The following PCDH11X variants were observed in gnomAD, a reference collection of about 807,000 sequenced individuals.
PCDH11X encodes the protein protocadherin-11 X-linked.
A neutral mutation model predicts 53.3 loss-of-function variants in PCDH11X; 18 were observed. That is an observed-to-expected ratio of 0.34 (90% confidence interval 0.23 to 0.50). The LOEUF is 0.50. PCDH11X is among the 20% of genes least tolerant of loss of function. PCDH11X has a pLI of 0.98. For missense variants in PCDH11X, 570 were observed against 1,032.4 expected (o/e 0.55, Z 6.14); for synonymous variants, 279 against 393.3 (o/e 0.71, Z 3.44).
chrX:92,536,667 T>A (rs1291145473), intron 10 of PCDH11X, among the ~76,000 whole-genome samples: 1 of 95,910 alleles, frequency 1.0e-5, no homozygotes, highest in East Asian at 3.3e-4. Flanking sequence ...TTTTTTTTTT[T>A]TTTTTTTTGA....
At chrX:92,273,427 T>A (rs1046033962) in intron 8 of PCDH11X, among the ~76,000 whole-genome samples, 4 of 111,636 alleles carry the variant, frequency 3.6e-5, no homozygotes, top group African/African-American at 1.3e-4. Context: ...TCACTTCTTT[T>A]GTGATTCTTC....
intron 8 of PCDH11X, chrX:92,288,030 C>T: frequency 1.9e-6 from 1 of 514,729 alleles, no homozygotes; most frequent in South Asian, 2.5e-5. Flanking sequence ...TCCCTAGAAG[C>T]ATAAACCTGT....
chrX:92,045,881 G>A (rs1212572369), intron 6 of PCDH11X, among the ~76,000 whole-genome samples: 1 of 107,962 alleles, frequency 9.3e-6, no homozygotes, highest in Non-Finnish European at 1.9e-5. Context: ...CGAGGTTGCA[G>A]TGAGCCAAGA....
At chrX:92,309,983 G>A (rs1425602351) in intron 8 of PCDH11X, among the ~76,000 whole-genome samples, 1 of 112,235 alleles carries the variant, frequency 8.9e-6, no homozygotes, top group East Asian at 2.8e-4. Context: ...GAAAAGAAAA[G>A]TTTGGTTCAA....
At chrX:92,271,073 C>A (rs1157099128) in intron 8 of PCDH11X, among the ~76,000 whole-genome samples, 1 of 111,877 alleles carries the variant, frequency 8.9e-6, no homozygotes, top group Non-Finnish European at 1.9e-5. Flanking sequence ...CAGAAAAAAA[C>A]ACCATGAAAC....
intron 10 of PCDH11X, among the ~76,000 whole-genome samples, chrX:92,585,816 T>C (rs2148792161): frequency 9.1e-6 from 1 of 109,610 alleles, no homozygotes; most frequent in East Asian, 2.9e-4. Flanking sequence ...AAAGTTTGGC[T>C]TTTCTGTACA....
In PCDH11X at chrX:92,398,016, A is replaced by T. The variant is rs1270973717; in HGVS notation, c.3343+10083A>T. On this transcript the variant is annotated intron_variant, in intron 9 of 10. Transcript: ENST00000682573. ...TGACCCAAATTAAATCCAAATATTG[A>T]AATTTCAATTCAAAGTGCCATAGTA... Among the ~76,000 whole-genome samples, 3 of 110,869 alleles carry T rather than the reference A, an allele frequency of 2.7e-5. No individual in the cohort carries two copies. In the Admixed American group the frequency reaches 2.9e-4, roughly 11 times the overall value.
At chrX:92,293,400 A>T (rs778856812) in intron 8 of PCDH11X, among the ~76,000 whole-genome samples, 1 of 110,239 alleles carries the variant, frequency 9.1e-6, no homozygotes, top group Non-Finnish European at 1.9e-5. Context: ...CAAGGCGGGC[A>T]GATCATGAGG....
intron 8 of PCDH11X, among the ~76,000 whole-genome samples, chrX:92,290,316 G>A (rs2068465449): frequency 9.0e-6 from 1 of 110,889 alleles, no homozygotes; most frequent in African/African-American, 3.3e-5. Context: ...TCACTTTCAC[G>A]GATTCACTCG....
chrX:91,846,694 C>T (rs1175785183), intron 5 of PCDH11X, among the ~76,000 whole-genome samples: 32 of 110,651 alleles, frequency 2.9e-4, no homozygotes, highest in African/African-American at 9.5e-4. Context: ...ATTGTTTAAT[C>T]TGTTGCTGCT....
At chrX:92,129,605 G>A (rs1487614876) in intron 6 of PCDH11X, among the ~76,000 whole-genome samples, 1 of 112,022 alleles carries the variant, frequency 8.9e-6, no homozygotes, top group Non-Finnish European at 1.9e-5. Context: ...TTGAGGAAAG[G>A]TGGAATGTTG....
intron 6 of PCDH11X, among the ~76,000 whole-genome samples, chrX:91,938,744 T>C (rs1351505528): frequency 9.0e-6 from 1 of 110,804 alleles, no homozygotes; most frequent in Non-Finnish European, 1.9e-5. Flanking sequence ...AGAATTATGT[T>C]TCTAAGGCAC....
At chrX:92,470,223 A>G (rs1227508550) in intron 10 of PCDH11X, among the ~76,000 whole-genome samples, 5 of 101,207 alleles carry the variant, frequency 4.9e-5, no homozygotes, top group African/African-American at 1.8e-4. Context: ...TTGATTTTGG[A>G]TATGAAATCA....
At chrX:91,908,350 T>C (rs759865385) in intron 6 of PCDH11X, among the ~76,000 whole-genome samples, 3 of 111,460 alleles carry the variant, frequency 2.7e-5, no homozygotes, top group Non-Finnish European at 3.8e-5. Context: ...AACAACGCCA[T>C]AAAAAAAGTG....
intron 8 of PCDH11X, among the ~76,000 whole-genome samples, chrX:92,382,420 G>A (rs888576102): frequency 1.8e-5 from 2 of 111,200 alleles, no homozygotes; most frequent in Non-Finnish European, 3.8e-5. Flanking sequence ...TAGAATCACA[G>A]GGTCACCTAT....
chrX:92,592,474 G>T (rs928317963), intron 10 of PCDH11X, among the ~76,000 whole-genome samples: 2 of 110,064 alleles, frequency 1.8e-5, no homozygotes, highest in African/African-American at 6.6e-5. Flanking sequence ...GCTCACGCCT[G>T]TAATCCCAGC....
At chrX:91,803,153 A>C (rs1396231398) in intron 1 of PCDH11X, among the ~76,000 whole-genome samples, 1 of 111,846 alleles carries the variant, frequency 8.9e-6, no homozygotes, top group Non-Finnish European at 1.9e-5. Context: ...TTGAATGAAT[A>C]GGCATTTTTC....
At chrX:92,295,500 T>A (rs778476002) in intron 8 of PCDH11X, among the ~76,000 whole-genome samples, 1 of 110,306 alleles carries the variant, frequency 9.1e-6, no homozygotes, top group African/African-American at 3.3e-5. Context: ...TTATCATTTT[T>A]GTTTTGCATA....
intron 5 of PCDH11X, among the ~76,000 whole-genome samples, chrX:91,859,407 T>C (rs773743442): frequency 2.7e-5 from 3 of 110,864 alleles, no homozygotes; most frequent in Non-Finnish European, 5.7e-5. Flanking sequence ...TCACATTCTG[T>C]AGGTTGTTTG....
Sources: gnomAD v4.1 joint callset for allele counts (sites outside exome capture counted in the v4.1 genomes callset) on GRCh38, gnomAD v4.1.1 for gene constraint, MANE v1.5 for transcripts, NCBI Gene and HGNC (gene_info 2026-07-23, HGNC 2026-07-21) for gene names.